PDE11A: variants seen among roughly 807,000 people sequenced by gnomAD.
PDE11A encodes the protein dual 3',5'-cyclic-AMP and -GMP phosphodiesterase 11A.
In PDE11A, 100 loss-of-function variants were observed where a neutral mutation model predicts 100.5. The observed-to-expected ratio is 1.00, with a 90% CI of 0.85 to 1.18. The LOEUF is 1.18. Among genes scored for constraint, PDE11A ranks in the 50% most tolerant of loss-of-function variants. The pLI is 0.00. For missense variants in PDE11A, 1,141 were observed against 1,152.6 expected (o/e 0.99, Z 0.15); for synonymous variants, 381 against 420.8 (o/e 0.91, Z 1.16).
chr2:177,645,687 A>G lies in PDE11A; in HGVS notation c.2647-16125T>C, dbSNP rs916703595. Among the ~76,000 whole-genome samples the G allele has an allele frequency of 2.6e-5, 4 of 152,360 alleles. No homozygotes were observed. In the East Asian group the frequency reaches 7.7e-4, roughly 29 times the overall value. ...AGTGTTTTGGGCATCTTGATACTCAAAGATAATGCTTAGTATGAAGGCATA... is the reference window on the plus strand; with the variant it reads ...AGTGTTTTGGGCATCTTGATACTCAGAGATAATGCTTAGTATGAAGGCATA... On this transcript the variant is annotated intron_variant, in intron 19 of 19. Transcript: ENST00000286063.
intron 10 of PDE11A, 120 bp from the exon 11 acceptor site, chr2:177,728,292 C>T: frequency 2.5e-6 from 2 of 791,356 alleles, no homozygotes; most frequent in Non-Finnish European, 4.4e-6. Context: ...GCACTTACAC[C>T]CTGATACAGC....
At chr2:177,960,690 C>G (rs1040962501) in intron 2 of PDE11A, among the ~76,000 whole-genome samples, 23 of 152,106 alleles carry the variant, frequency 1.5e-4, no homozygotes, top group Non-Finnish European at 2.8e-4. Flanking sequence ...CACATGAAAA[C>G]AAATCTAATA....
intron 1 of PDE11A, among the ~76,000 whole-genome samples, chr2:178,047,956 A>C (rs957825300): frequency 6.6e-5 from 10 of 152,166 alleles, no homozygotes; most frequent in African/African-American, 2.2e-4. Flanking sequence ...ACTGTCTTCA[A>C]CTGAAGGTGA....
In PDE11A at chr2:177,728,056, C is replaced by T; in HGVS notation, c.1905G>A (p.Gly635=). Residue 635 remains glycine, a synonymous_variant, in exon 11 of 20, where the codon GGG becomes GGA. Coordinates refer to ENST00000286063, the MANE Select transcript of PDE11A (RefSeq NM_016953.4). ...AGTCAATTTTAAATTTCTGTACCAT[C>T]CCCAGCTCCATGAACATCCGGAGAG... is the stretch of plus-strand genomic sequence containing the variant. ...TAALRMFMEL[G]MVQKFKIDYE... 6.2e-7 allele frequency: 1 copy of T among 1,613,376 alleles called. No homozygotes were observed. Among genetic ancestry groups the T allele is most frequent in the Non-Finnish European group, 8.5e-7 (1 of 1,179,464 alleles).
At chr2:177,952,787 C>A (rs17329998) in intron 2 of PDE11A, among the ~76,000 whole-genome samples, 2 of 152,012 alleles carry the variant, frequency 1.3e-5, no homozygotes, top group Admixed American at 6.6e-5. Context: ...CTGTGGTTCG[C>A]CCCCACTCTG....
At chr2:177,992,102 T>A (rs576063581) in intron 2 of PDE11A, among the ~76,000 whole-genome samples, 6 of 151,242 alleles carry the variant, frequency 4.0e-5, no homozygotes, top group African/African-American at 1.2e-4. Context: ...AAATAATACA[T>A]CTCACATAAT....
intron 2 of PDE11A, among the ~76,000 whole-genome samples, chr2:177,964,494 G>A (rs940291301): frequency 6.6e-6 from 1 of 152,092 alleles, no homozygotes; most frequent in African/African-American, 2.4e-5. Context: ...CCCAGGTAAT[G>A]AGCATAGTGC....
chr2:178,076,598 A>G (rs777174266), upstream of PDE11A, among the ~76,000 whole-genome samples: 6 of 152,196 alleles, frequency 3.9e-5, no homozygotes, highest in East Asian at 1.9e-4. Flanking sequence ...TTAAAGCCCA[A>G]TGAATTTCTG....
intron 2 of PDE11A, among the ~76,000 whole-genome samples, chr2:177,967,464 G>A (rs551343595): frequency 2.5e-4 from 38 of 152,128 alleles, no homozygotes; most frequent in African/African-American, 7.9e-4. Flanking sequence ...TCCCAAAAGT[G>A]TTGGGATTAC....
chr2:177,658,307 G>A (rs1406070602), intron 19 of PDE11A, among the ~76,000 whole-genome samples: 1 of 152,166 alleles, frequency 6.6e-6, no homozygotes, highest in African/African-American at 2.4e-5. Context: ...TAATAGTCAA[G>A]TTTAAATAAT....
At chr2:177,678,803 T>A (rs1480614685) in intron 16 of PDE11A, among the ~76,000 whole-genome samples, 1 of 152,094 alleles carries the variant, frequency 6.6e-6, no homozygotes, top group Non-Finnish European at 1.5e-5. Flanking sequence ...TAGGAAAATA[T>A]CTAGGCAGAG....
At chr2:177,748,654 T>TA (rs1427567866) in intron 10 of PDE11A, among the ~76,000 whole-genome samples, 2 of 152,170 alleles carry the variant, frequency 1.3e-5, no homozygotes, top group African/African-American at 4.8e-5. Context: ...TTTATTCTTT[T>TA]AAAGGTCACA....
intron 19 of PDE11A, among the ~76,000 whole-genome samples, chr2:177,659,326 C>T (rs1377678545): frequency 6.7e-6 from 1 of 149,386 alleles, no homozygotes; most frequent in East Asian, 2.0e-4. Context: ...TACTGTAAAT[C>T]TTAACATTAG....
intron 2 of PDE11A, among the ~76,000 whole-genome samples, chr2:177,914,495 T>C (rs893627973): frequency 6.6e-6 from 1 of 152,176 alleles, no homozygotes. Flanking sequence ...ACATATATCA[T>C]CCTGCCCATT....
At chr2:177,898,297 A>C in intron 3 of PDE11A, 99 bp from the exon 4 acceptor site, 1 of 785,056 alleles carries the variant, frequency 1.3e-6, no homozygotes, top group Non-Finnish European at 2.1e-6. Context: ...AAATATAGTA[A>C]ATCTTTTTGT....
chr2:177,708,620 C>T (rs2081314943), intron 13 of PDE11A, among the ~76,000 whole-genome samples: 1 of 152,102 alleles, frequency 6.6e-6, no homozygotes. Flanking sequence ...ACCCCCAAAC[C>T]TAAAATAAAA....
chr2:177,680,751 T>C, intron 16 of PDE11A, 75 bp downstream of exon 16: 1 of 795,532 alleles, frequency 1.3e-6, no homozygotes, highest in Non-Finnish European at 2.2e-6. Flanking sequence ...TCTATGCTCT[T>C]AGTACTGTCA....
intron 5 of PDE11A, among the ~76,000 whole-genome samples, chr2:177,845,314 C>G (rs1437622993): frequency 7.0e-6 from 1 of 143,326 alleles, no homozygotes; most frequent in Non-Finnish European, 1.5e-5. Context: ...ACTTCTCAGA[C>G]GGGGCGGCCG....
intron 2 of PDE11A, among the ~76,000 whole-genome samples, chr2:177,964,363 TAACTC>T (rs1468212656): frequency 2.6e-5 from 4 of 152,224 alleles, no homozygotes; most frequent in African/African-American, 7.2e-5. Flanking sequence ...ATTTACTACT[TAACTC>T]TATTTCTATT....
Sources: gnomAD v4.1 joint callset for allele counts (sites outside exome capture counted in the v4.1 genomes callset) on GRCh38, gnomAD v4.1.1 for gene constraint, MANE v1.5 for transcripts, NCBI Gene and HGNC (gene_info 2026-07-23, HGNC 2026-07-21) for gene names.